CUL2: variants seen among roughly 807,000 people sequenced by gnomAD.
CUL2 encodes the protein cullin-2.
CUL2 carries 22 observed loss-of-function variants against 110.2 expected under a neutral mutation model. The ratio of observed to expected loss-of-function variants is 0.20; its 90% CI spans 0.14 to 0.28. CUL2 has a LOEUF of 0.28. Ranked by LOEUF, CUL2 falls within the 10% of genes least tolerant of loss-of-function variation. The pLI is 1.00. For missense variants in CUL2, 631 were observed against 905.5 expected, an observed-to-expected ratio of 0.70 and a Z score of 3.89; for synonymous variants, 279 against 293.2, an observed-to-expected ratio of 0.95 and a Z score of 0.49.
At chr10:35,076,129 A>G (rs1398104632) in intron 1 of CUL2, among the ~76,000 whole-genome samples, 1 of 152,208 alleles carries the variant, frequency 6.6e-6, no homozygotes, top group African/African-American at 2.4e-5. Context: ...TATCACATGG[A>G]TGACCCTCAA....
In CUL2 at chr10:35,035,263, A is replaced by G. The variant is rs1400970795; in HGVS notation, c.911T>C (p.Val304Ala). ...MANMYVLLRA[V>A]STGLPHMIQE... ...AATCATATGAGGTAAACCAGTGGAC[A>G]CAGCACGGAGTAAGACGTACATATT... The change falls in exon 10 of 21, where the codon GTG becomes GCG. Residue 304 changes from valine to alanine, a missense_variant. Around this residue, in one of 3 missense-constraint regions of CUL2, gnomAD observed 338 missense variants for 442.5 expected, o/e 0.76. Coordinates refer to ENST00000374749, the MANE Select transcript of CUL2 (RefSeq NM_003591.4). The G allele has an allele frequency of 6.2e-7, 1 of 1,614,206 alleles. No individual in the cohort carries two copies. Among genetic ancestry groups the G allele is most frequent in the Middle Eastern group, 1.6e-4 (1 of 6,062 alleles).
upstream of CUL2, among the ~76,000 whole-genome samples, chr10:35,091,623 C>CT (rs58275497): frequency 0.033 from 4,890 of 146,002 alleles, 234 homozygotes; most frequent in African/African-American, 0.11. Flanking sequence ...ATGTCTGGTC[C>CT]TTTTTTTTTT....
At position 35,078,899 on chromosome 10, in the gene CUL2, C is replaced by T. The variant is rs367846082; in HGVS notation, c.-22-7560G>A. On this transcript the variant is annotated intron_variant, in intron 1 of 20. Coordinates refer to ENST00000374749, the MANE Select transcript of CUL2 (RefSeq NM_003591.4). Reference sequence around the variant, plus strand: ...TATCAGTAAGATACAATAGAGTGGTCTAAGTTGACTTCAGATAGTTAAGAC... The same window carrying T: ...TATCAGTAAGATACAATAGAGTGGTTTAAGTTGACTTCAGATAGTTAAGAC... Among the ~76,000 whole-genome samples the T allele has an allele frequency of 3.3e-5, 5 of 152,090 alleles. No individual in the cohort carries two copies. In the South Asian group the frequency reaches 6.2e-4, roughly 19 times the overall value.
chr10:35,029,416 C>A (rs1305824068), intron 15 of CUL2, 72 bp downstream of exon 15: 2 of 1,058,160 alleles, frequency 1.9e-6, no homozygotes, highest in East Asian at 2.8e-5. Flanking sequence ...AATCAGGCAT[C>A]CATTTATGAA....
intron 16 of CUL2, among the ~76,000 whole-genome samples, chr10:35,027,273 T>C (rs888051085): frequency 7.3e-5 from 11 of 151,376 alleles, no homozygotes; most frequent in Admixed American, 5.9e-4. Context: ...GCCTCCAGAG[T>C]AGCTGGGACT....
intron 2 of CUL2, among the ~76,000 whole-genome samples, chr10:35,067,151 AAAAAAAAGAAATG>A (rs1377261148): frequency 5.3e-5 from 8 of 151,786 alleles, no homozygotes; most frequent in Admixed American, 3.3e-4. Context: ...AAAAAAAAAA[AAAAAAAAGAAATG>A]AAGACAACAG....
At chr10:35,119,043 C>CTACT (rs2087642495) in intron 1 of CUL2, among the ~76,000 whole-genome samples, 1 of 152,214 alleles carries the variant, frequency 6.6e-6, no homozygotes, top group South Asian at 2.1e-4. Context: ...TTTTTCTGAC[C>CTACT]TACTCCTTAA....
intron 1 of CUL2, among the ~76,000 whole-genome samples, chr10:35,079,232 TCTCA>T (rs1455769779): frequency 6.6e-6 from 1 of 152,206 alleles, no homozygotes; most frequent in Non-Finnish European, 1.5e-5. Flanking sequence ...TCTCAGAATA[TCTCA>T]CTGTGCTGTA....
intron 18 of CUL2, among the ~76,000 whole-genome samples, chr10:35,015,000 C>G (rs1273850215): frequency 6.6e-6 from 1 of 151,564 alleles, no homozygotes; most frequent in African/African-American, 2.4e-5. Context: ...TAAGAAATCC[C>G]TATTTTGGCC....
intron 2 of CUL2, among the ~76,000 whole-genome samples, chr10:35,069,869 C>T (rs1392098939): frequency 2.6e-5 from 4 of 152,226 alleles, no homozygotes; most frequent in Non-Finnish European, 5.9e-5. Context: ...CCCAATCTCA[C>T]TAACACACAA....
intron 8 of CUL2, among the ~76,000 whole-genome samples, chr10:35,040,408 G>A (rs1223651010): frequency 6.6e-6 from 1 of 152,186 alleles, no homozygotes; most frequent in Non-Finnish European, 1.5e-5. Context: ...GGAACATAAA[G>A]CTGTGTAATT....
chr10:35,062,292 T>A (rs1431657198), intron 3 of CUL2, among the ~76,000 whole-genome samples: 1 of 152,132 alleles, frequency 6.6e-6, no homozygotes, highest in Non-Finnish European at 1.5e-5. Flanking sequence ...TCTTTTTAAT[T>A]TTAGATTTTG....
At chr10:35,081,926 T>A (rs2086955211) in intron 1 of CUL2, among the ~76,000 whole-genome samples, 1 of 152,060 alleles carries the variant, frequency 6.6e-6, no homozygotes, top group Admixed American at 6.6e-5. Context: ...CATGGAAGAA[T>A]AATTAAAAAG....
intron 1 of CUL2, among the ~76,000 whole-genome samples, chr10:35,106,937 A>G (rs2087464918): frequency 6.8e-6 from 1 of 148,110 alleles, no homozygotes; most frequent in Non-Finnish European, 1.5e-5. Flanking sequence ...TTATGTCTGC[A>G]TTGCCCTTAA....
chr10:35,071,107 G>T, intron 2 of CUL2, 92 bp downstream of exon 2: 2 of 1,248,468 alleles, frequency 1.6e-6, no homozygotes, highest in South Asian at 1.4e-5. Flanking sequence ...ATAGTTACAT[G>T]GGAAAGTTCT....
intron 3 of CUL2, among the ~76,000 whole-genome samples, chr10:35,061,772 T>G (rs2086389572): frequency 6.7e-6 from 1 of 149,880 alleles, no homozygotes; most frequent in Admixed American, 6.6e-5. Flanking sequence ...TATGAGGGTT[T>G]TTTTTTTTTT....
At chr10:35,094,690 T>A (rs1354387049), upstream of CUL2, among the ~76,000 whole-genome samples, 1 of 152,150 alleles carries the variant, frequency 6.6e-6, no homozygotes, top group African/African-American at 2.4e-5. Context: ...AACAGCCCCC[T>A]TTATTTCTAA....
chr10:35,024,088 G>A (rs975137003), intron 17 of CUL2, among the ~76,000 whole-genome samples: 15 of 152,162 alleles, frequency 9.9e-5, no homozygotes, highest in Non-Finnish European at 1.8e-4. Context: ...ACCTGTCTCA[G>A]CCTCCCCAAG....
At chr10:35,035,399 G>C in intron 9 of CUL2, 103 bp from the exon 10 acceptor site, 3 of 1,293,662 alleles carry the variant, frequency 2.3e-6, no homozygotes, top group South Asian at 1.6e-5. Flanking sequence ...TCCAAGTGCA[G>C]AGCACCCAGA....
Sources: gnomAD v4.1 joint callset for allele counts (sites outside exome capture counted in the v4.1 genomes callset) on GRCh38, gnomAD v4.1.1 for gene constraint, gnomAD v4.1.1 regional missense constraint, MANE v1.5 for transcripts, NCBI Gene and HGNC (gene_info 2026-07-23, HGNC 2026-07-21) for gene names.